SYPL2: variants seen among roughly 807,000 people sequenced by gnomAD.
SYPL2 encodes the protein synaptophysin-like protein 2.
SYPL2 carries 24 observed loss-of-function variants against 31.3 expected under a neutral mutation model. The ratio of observed to expected loss-of-function variants is 0.77; its 90% CI spans 0.56 to 1.08. The LOEUF is 1.08. Ranked by LOEUF, SYPL2 falls within the 50% of genes least tolerant of loss-of-function variation. The pLI, the probability that SYPL2 is intolerant of heterozygous loss-of-function variation, is 0.00. For missense variants in SYPL2, 342 were observed against 360.1 expected (o/e 0.95, Z 0.41); for synonymous variants, 144 against 143.1 (o/e 1.01, Z -0.05).
In SYPL2 at chr1:109,475,597, C is replaced by A. The variant is rs763795984; in HGVS notation, c.146C>A (p.Ala49Asp). Residue 49 changes from alanine to aspartate, a missense_variant, in exon 3 of 6, where the codon GCC becomes GAC. Ala to Asp is a moderately radical substitution (Grantham distance 126). Coordinates refer to ENST00000369872, the MANE Select transcript of SYPL2 (RefSeq NM_001040709.2). Reference sequence around the variant, plus strand: ...CTCTCTCAGCTCTTTGCTATTTTCGCCTTCGGGTCCTGTGGCTCCTACAGC... The same window carrying A: ...CTCTCTCAGCTCTTTGCTATTTTCGACTTCGGGTCCTGTGGCTCCTACAGC... Reference protein sequence around the residue: ...KVLQWLFAIFAFGSCGSYSGE... With the variant: ...KVLQWLFAIFDFGSCGSYSGE... 1 of 1,614,036 alleles carries A rather than the reference C, an allele frequency of 6.2e-7. No homozygotes were observed. Among genetic ancestry groups the A allele is most frequent in the South Asian group, 1.1e-5 (1 of 91,064 alleles).
At position 109,466,876 on chromosome 1, in the gene SYPL2, G is replaced by A; in HGVS notation, c.33G>A (p.Ala11=). MSSTESAGRT[A]DKSPRQQVDR... ...CGACCGAGAGCGCCGGCCGCACGGC[G>A]GACAAGTCGCCGCGCCAGCAGGTAG... Residue 11 remains alanine, a synonymous_variant, in exon 1 of 6, where the codon GCG becomes GCA. Coordinates refer to ENST00000369872, the MANE Select transcript of SYPL2 (RefSeq NM_001040709.2). 6.5e-7 allele frequency: 1 copy of A among 1,529,434 alleles called. No individual in the cohort carries two copies. The highest frequency in any genetic ancestry group is 1.2e-5 in the South Asian group (1 of 83,676). The allele number at this position is 1,529,434 out of a possible 1,614,324, so 94.7% of individuals were successfully genotyped here. A position where few individuals can be genotyped will look rare whatever the true frequency, so the allele number is the denominator to read the frequency against.
At chr1:109,469,805 G>A (rs1166489885) in intron 2 of SYPL2, among the ~76,000 whole-genome samples, 1 of 121,730 alleles carries the variant, frequency 8.2e-6, no homozygotes, top group East Asian at 2.6e-4. Flanking sequence ...TCCAGCCTGA[G>A]TGACAGAACT....
At chr1:109,477,009 G>C in intron 4 of SYPL2, 32 bp downstream of exon 4, 1 of 1,612,512 alleles carries the variant, frequency 6.2e-7, no homozygotes, top group Non-Finnish European at 8.5e-7. Flanking sequence ...GGAATGGGGT[G>C]GAGAAACAGA....
At chr1:109,475,353 A>T (rs951035542) in intron 2 of SYPL2, 3 of 506,364 alleles carry the variant, frequency 5.9e-6, no homozygotes, top group African/African-American at 5.8e-5. Flanking sequence ...TCCCTTGCAG[A>T]CACCACTCAG....
intron 2 of SYPL2, among the ~76,000 whole-genome samples, chr1:109,473,724 C>T (rs1460829189): frequency 1.3e-5 from 2 of 151,982 alleles, no homozygotes; most frequent in African/African-American, 4.8e-5. Context: ...AAACCCGTCT[C>T]TACTAAAAAA....
rs1323946757 is a variant in SYPL2 at position 109,478,510 on chromosome 1, G to A, written c.648+501G>A. 6.6e-6 allele frequency among the ~76,000 whole-genome samples: 1 copy of A among 152,174 alleles called. No individual in the cohort carries two copies. Among genetic ancestry groups the A allele is most frequent in the Non-Finnish European group, 1.5e-5 (1 of 68,020 alleles). ...TGGCCATCCCAGTTGTTAGAATGTT[G>A]AAATATGTCCATATCCATTGGTAAA... On this transcript the variant is annotated intron_variant, in intron 5 of 5. Coordinates refer to ENST00000369872, the MANE Select transcript of SYPL2 (RefSeq NM_001040709.2). This position sits in a 1 kb window ranked among gnomAD's most constrained non-coding sequence, Gnocchi z 4.0.
Position 109,466,816 on chromosome 1 carries a change from C to T in SYPL2, c.-28C>T, listed in dbSNP as rs1268694761. 1 of 1,510,102 alleles carries T rather than the reference C, an allele frequency of 6.6e-7. No individual in the cohort carries two copies. Among genetic ancestry groups the T allele is most frequent in the Non-Finnish European group, 8.8e-7 (1 of 1,136,542 alleles). The allele number at this position is 1,510,102 out of a possible 1,614,324, so 93.5% of individuals were successfully genotyped here. ...TCCCGGCCAGAGAGCCAAGCCACCA[C>T]GCCGCGCCCAGCGCTCGCCGCGCCA... is the stretch of plus-strand genomic sequence containing the variant. On this transcript the variant is annotated 5_prime_UTR_variant, in exon 1 of 6. The change creates a new upstream start codon in the 5' untranslated region. Transcript: ENST00000369872.
At chr1:109,477,140 C>A (rs1656026405) in intron 4 of SYPL2, among the ~76,000 whole-genome samples, 163 bp downstream of exon 4, 1 of 152,148 alleles carries the variant, frequency 6.6e-6, no homozygotes, top group African/African-American at 2.4e-5. Context: ...ACAGGAGGCA[C>A]AATAGCACCA....
At chr1:109,472,581 G>A (rs957192495) in intron 2 of SYPL2, among the ~76,000 whole-genome samples, 1 of 147,142 alleles carries the variant, frequency 6.8e-6, no homozygotes, top group East Asian at 2.0e-4. Context: ...CCCAAGTTTT[G>A]AGTACCTACT....
Position 109,478,221 on chromosome 1 carries a change from C to A in SYPL2, c.648+212C>A. ...TGAGGGGAACCCAAAAGCCACTTAG[C>A]CTTCTGTTCCTTCCTCCTTCTGCAC... On this transcript the variant is annotated intron_variant, in intron 5 of 5. Transcript: ENST00000369872. This position sits in a 1 kb window ranked among gnomAD's most constrained non-coding sequence, Gnocchi z 4.0. 2 of 1,066,562 alleles carry A rather than the reference C, an allele frequency of 1.9e-6. No individual in the cohort carries two copies. Among genetic ancestry groups the A allele is most frequent in the African/African-American group, 1.6e-5 (1 of 62,568 alleles). 66.1% of individuals were successfully genotyped at this position (1,066,562 alleles called of 1,614,324 possible).
chr1:109,475,476 CCCA>C, intron 2 of SYPL2, 102 bp from the exon 3 acceptor site: 1 of 1,452,104 alleles, frequency 6.9e-7, no homozygotes. Flanking sequence ...CTCACTCTCC[CCCA>C]CTCCCGCACT....
At chr1:109,479,324 G>A in intron 5 of SYPL2, 54 bp from the exon 6 acceptor site, 5 of 1,591,074 alleles carry the variant, frequency 3.1e-6, no homozygotes, top group Non-Finnish European at 4.3e-6. Flanking sequence ...CCCCCTCCCT[G>A]TTCCCACAAT....
At chr1:109,469,502 A>ATTT (rs1655758919) in intron 2 of SYPL2, among the ~76,000 whole-genome samples, 2 of 151,156 alleles carry the variant, frequency 1.3e-5, no homozygotes, top group East Asian at 1.9e-4. Context: ...TTTTTTTTTA[A>ATTT]AAAAGAAAAG....
intron 4 of SYPL2, 138 bp downstream of exon 4, chr1:109,477,115 T>C: frequency 2.0e-6 from 2 of 1,003,780 alleles, no homozygotes; most frequent in Non-Finnish European, 2.9e-6. Flanking sequence ...AACCTCCCGT[T>C]GCTTGCTCCT....
At position 109,466,687 on chromosome 1, in the gene SYPL2, GC is replaced by G. The variant is rs1655646606; in HGVS notation, c.-155del. ...CCCCCGCGTCCCAGCCAGCCAGCCAGCCAGACTGGACTCCGGCCCACCGACG... is the reference window on the plus strand; with the variant it reads ...CCCCCGCGTCCCAGCCAGCCAGCCAGCAGACTGGACTCCGGCCCACCGACG... On this transcript the variant is annotated 5_prime_UTR_variant, in exon 1 of 6. Transcript: ENST00000369872. 1.4e-6 allele frequency: 1 copy of G among 709,674 alleles called. No homozygotes were observed. The highest frequency in any genetic ancestry group is 1.9e-5 in the African/African-American group (1 of 52,960). 44.0% of individuals were successfully genotyped at this position (709,674 alleles called of 1,614,324 possible).
chr1:109,466,654 C>T lies in SYPL2; in HGVS notation c.-190C>T, dbSNP rs1655644959. 8.1e-6 allele frequency: 4 copies of T among 495,930 alleles called. No individual in the cohort carries two copies. Among genetic ancestry groups the T allele is most frequent in the Non-Finnish European group, 1.3e-5 (4 of 306,768 alleles). The allele number at this position is 495,930 out of a possible 1,614,324, so 30.7% of individuals were successfully genotyped here. A position where few individuals can be genotyped will look rare whatever the true frequency, so the allele number is the denominator to read the frequency against. On this transcript the variant is annotated 5_prime_UTR_variant, in exon 1 of 6. Coordinates refer to ENST00000369872, the MANE Select transcript of SYPL2 (RefSeq NM_001040709.2). ...CGGCCGCAGCCTCTGAGAGCACGAA[C>T]AGCAGCGCCCCCGCGTCCCAGCCAG...
In SYPL2 at chr1:109,477,871, C is replaced by T; in HGVS notation, c.510C>T (p.Ala170=). Residue 170 remains alanine, a synonymous_variant, in exon 5 of 6, where the codon GCC becomes GCT. Transcript: ENST00000369872. ...TCTTCTGGCTGGTAGCTGCAGCTGC[C>T]TGGGGCAAGGGCCTGACCGATGTCA... ...FTFFWLVAAA[A]WGKGLTDVKG... is the part of the protein sequence containing the mutation. The T allele has an allele frequency of 6.2e-7, 1 of 1,613,904 alleles. No individual in the cohort carries two copies. Among genetic ancestry groups the T allele is most frequent in the Non-Finnish European group, 8.5e-7 (1 of 1,179,868 alleles).
chr1:109,476,824 C>A lies in SYPL2; in HGVS notation c.303C>A (p.Ser101Arg). ...TGCCCCTCTGCGATGAAGAGTCCAG[C>A]TCCAAGACCATGCACCTCATGGGGG... ...YEMPLCDEESSSKTMHLMGDF... is the reference protein window; with the variant it reads ...YEMPLCDEESRSKTMHLMGDF... Residue 101 changes from serine (S) to arginine (R), a missense_variant, in exon 4 of 6, where the codon AGC becomes AGA. By Grantham distance (110) the Ser-to-Arg change is moderately radical. Transcript: ENST00000369872. 1 of 1,614,204 alleles carries A rather than the reference C, an allele frequency of 6.2e-7. No individual in the cohort carries two copies. The highest frequency in any genetic ancestry group is 2.2e-5 in the East Asian group (1 of 44,892).
chr1:109,467,070 A>G lies in SYPL2; in HGVS notation c.66A>G (p.Leu22=). Residue 22 remains leucine (L), a synonymous_variant, in exon 2 of 6, where the codon CTA becomes CTG. Coordinates refer to ENST00000369872, the MANE Select transcript of SYPL2 (RefSeq NM_001040709.2). ...DKSPRQQVDR[L]LVGLRWRRLE... is the part of the protein sequence containing the mutation. ...CTGTGTCTCCGCAGGTGGACCGCCT[A>G]CTCGTGGGGCTGCGCTGGCGGCGGC... is the stretch of plus-strand genomic sequence containing the variant. 7 of 1,544,994 alleles carry G rather than the reference A, an allele frequency of 4.5e-6. No individual in the cohort carries two copies. The highest frequency in any genetic ancestry group is 6.1e-6 in the Non-Finnish European group (7 of 1,145,956).
Sources: allele counts gnomAD v4.1 joint callset (sites outside exome capture counted in the v4.1 genomes callset), GRCh38; gene constraint gnomAD v4.1.1; non-coding constraint Gnocchi (gnomAD v3.1); transcripts MANE v1.5; gene names NCBI Gene and HGNC (gene_info 2026-07-23, HGNC 2026-07-21).